Variants in MYO16 observed in about 807,000 individuals in gnomAD.
MYO16 encodes the protein unconventional myosin-XVI.
MYO16 carries 94 observed loss-of-function variants against 205.3 expected under a neutral mutation model. The ratio of observed to expected loss-of-function variants is 0.46; its 90% CI spans 0.39 to 0.54. The LOEUF (loss-of-function observed/expected upper bound fraction) is 0.54, where lower values mean the gene tolerates loss of function less well. Ranked by LOEUF, MYO16 falls within the 20% of genes least tolerant of loss-of-function variation. MYO16 has a pLI of 0.00. For synonymous variants in MYO16, 988 were observed against 954.0 expected, an observed-to-expected ratio of 1.04 and a Z score of -0.66; for missense variants, 2,315 against 2,387.5, an observed-to-expected ratio of 0.97 and a Z score of 0.63.
chr13:108,861,262 G>A lies in MYO16; in HGVS notation c.1360-4915G>A, dbSNP rs181805018. On this transcript the variant is annotated intron_variant, in intron 11 of 34. Transcript: ENST00000457511. ...ACAGCTATAGATTGGTTTTGTCTGT[G>A]TTTTTTAACTTTATATAAATGCAAT... Among the ~76,000 whole-genome samples the A allele has an allele frequency of 3.5e-3, 529 of 152,180 alleles. 6 individuals carry two copies. The highest frequency in any genetic ancestry group is 0.012 in the African/African-American group (496 of 41,552).
chr13:108,886,039 G>C (rs192715952), intron 13 of MYO16, among the ~76,000 whole-genome samples: 35 of 152,080 alleles, frequency 2.3e-4, no homozygotes, highest in African/African-American at 8.2e-4. Flanking sequence ...CCAGGCTGGA[G>C]TGCAGTGGCG....
At chr13:108,994,469 T>G (rs1884939039) in intron 21 of MYO16, among the ~76,000 whole-genome samples, 1 of 152,170 alleles carries the variant, frequency 6.6e-6, no homozygotes, top group Non-Finnish European at 1.5e-5. Flanking sequence ...AATCTCATCT[T>G]TTGACGAGTG....
Position 109,127,015 on chromosome 13 carries a change from G to A in MYO16, c.3783-267G>A, listed in dbSNP as rs983103077. On this transcript the variant is annotated intron_variant, in intron 30 of 34. Transcript: ENST00000457511. The surrounding 1 kb of genome is among the most constrained non-coding windows in gnomAD (Gnocchi z 4.2). ...AATGCGAAGGCCCTTAAGTAGTGTT[G>A]CGTTTGTGTGAGAATGTTTAAAAAG... Among the ~76,000 whole-genome samples, 2 of 152,212 alleles carry A rather than the reference G, an allele frequency of 1.3e-5. No homozygotes were observed. The highest frequency in any genetic ancestry group is 2.9e-5 in the Non-Finnish European group (2 of 68,048).
At chr13:108,634,161 G>T (rs758133288) in intron 1 of MYO16, among the ~76,000 whole-genome samples, 2 of 152,070 alleles carry the variant, frequency 1.3e-5, no homozygotes, top group Admixed American at 1.3e-4. Flanking sequence ...CTGTACCCTC[G>T]TCTTGTTTCT....
the MYO16 span, among the ~76,000 whole-genome samples, chr13:108,517,251 T>TA: frequency 6.6e-6 from 1 of 152,178 alleles, no homozygotes. Context: ...ATAAGGCTGT[T>TA]ATGTGGTATC....
the MYO16 span, among the ~76,000 whole-genome samples, chr13:108,520,002 T>C: frequency 6.6e-6 from 1 of 152,142 alleles, no homozygotes; most frequent in Non-Finnish European, 1.5e-5. Flanking sequence ...GGCCATCAGT[T>C]TACAAGATAG....
At chr13:108,723,049 TTCACGGTGGTTGTTGTACACTC>T (rs1459159284) in intron 3 of MYO16, among the ~76,000 whole-genome samples, 3 of 152,162 alleles carry the variant, frequency 2.0e-5, no homozygotes, top group African/African-American at 7.2e-5. Flanking sequence ...ACCATGCTTT[TTCACGGTGGTTGTTGTACACTC>T]TTGAGACGAT....
In MYO16 at chr13:109,079,387, G is replaced by GTTT. The variant is rs34736383; in HGVS notation, c.3336-21388_3336-21386dup. 2.5e-3 allele frequency among the ~76,000 whole-genome samples: 375 copies of GTTT among 150,452 alleles called. 2 individuals are homozygous for GTTT. Among genetic ancestry groups the GTTT allele is most frequent in the African/African-American group, 8.6e-3 (351 of 40,986 alleles). ...TCTATATGAGTTACCTACTGTATGG[G>GTTT]TTTTTTTTTTTTAACTATTAAATTG... On this transcript the variant is annotated intron_variant, in intron 27 of 34. Transcript: ENST00000457511.
At chr13:108,737,775 T>C (rs1243430286) in intron 4 of MYO16, among the ~76,000 whole-genome samples, 2 of 152,186 alleles carry the variant, frequency 1.3e-5, no homozygotes, top group Non-Finnish European at 2.9e-5. Flanking sequence ...CTGGACCTTT[T>C]TTGGTTGGTA....
intron 23 of MYO16, among the ~76,000 whole-genome samples, chr13:109,029,750 G>A (rs1483816135): frequency 1.3e-5 from 2 of 152,112 alleles, no homozygotes; most frequent in African/African-American, 4.8e-5. Context: ...ATAAAAAGTA[G>A]CTCTACTAGG....
At chr13:108,956,209 G>A (rs1209180963) in intron 16 of MYO16, among the ~76,000 whole-genome samples, 3 of 152,030 alleles carry the variant, frequency 2.0e-5, no homozygotes, top group South Asian at 2.1e-4. Flanking sequence ...GAATGGGCCC[G>A]CAATCCACCC....
chr13:108,861,720 T>C lies in MYO16; in HGVS notation c.1360-4457T>C, dbSNP rs376809374. 8.5e-5 allele frequency among the ~76,000 whole-genome samples: 13 copies of C among 152,346 alleles called. No homozygotes were observed. In the East Asian group the frequency reaches 1.2e-3, roughly 14 times the overall value. The stretch of plus-strand genomic sequence containing the variant: ...CTGATTTAACAAATGAAAATATTAA[T>C]ATGTGTTTGTTGTTCATTTGATTAT... On this transcript the variant is annotated intron_variant, in intron 11 of 34. Transcript: ENST00000457511.
chr13:108,555,744 C>T, the MYO16 span, among the ~76,000 whole-genome samples: 5 of 152,222 alleles, frequency 3.3e-5, no homozygotes, highest in South Asian at 8.3e-4. Flanking sequence ...TCCCAACTCC[C>T]TCCTCCTCCT....
At chr13:108,553,005 CTTTTTTTTTTTTT>C in the MYO16 span, among the ~76,000 whole-genome samples, 181 of 64,914 alleles carry the variant, frequency 2.8e-3, 2 homozygotes, top group African/African-American at 5.4e-3. Context: ...CTTTAATACT[CTTTTTTTTTTTTT>C]TTTTTTTTTT....
chr13:108,901,218 G>T (rs1191203387), intron 15 of MYO16, among the ~76,000 whole-genome samples: 1 of 152,074 alleles, frequency 6.6e-6, no homozygotes, highest in Non-Finnish European at 1.5e-5. Flanking sequence ...CATTTACCTT[G>T]TGATATTTTA....
chr13:109,095,226 A>ATATAGG, intron 27 of MYO16, among the ~76,000 whole-genome samples: 1 of 152,342 alleles, frequency 6.6e-6, no homozygotes, highest in East Asian at 1.9e-4. Context: ...TGAAGCCTAA[A>ATATAGG]TATAGGTGTC....
At chr13:108,750,149 G>A (rs1327365750) in intron 4 of MYO16, among the ~76,000 whole-genome samples, 1 of 152,158 alleles carries the variant, frequency 6.6e-6, no homozygotes, top group Non-Finnish European at 1.5e-5. Context: ...GGATTTTTTA[G>A]GGCAGTAAAA....
intron 23 of MYO16, among the ~76,000 whole-genome samples, chr13:109,038,903 C>G (rs1014215082): frequency 6.6e-6 from 1 of 152,072 alleles, no homozygotes; most frequent in African/African-American, 2.4e-5. Context: ...TCTCCTAGCT[C>G]CCTGCCACTG....
At chr13:108,711,896 G>A (rs1245463781) in intron 2 of MYO16, among the ~76,000 whole-genome samples, 1 of 152,192 alleles carries the variant, frequency 6.6e-6, no homozygotes, top group Non-Finnish European at 1.5e-5. Flanking sequence ...TTAAAAGTAT[G>A]ATATTGCTGT....
Sources: gnomAD v4.1 joint callset for allele counts (sites outside exome capture counted in the v4.1 genomes callset) on GRCh38, gnomAD v4.1.1 for gene constraint, Gnocchi (gnomAD v3.1) non-coding constraint, MANE v1.5 for transcripts, NCBI Gene and HGNC (gene_info 2026-07-23, HGNC 2026-07-21) for gene names.